Variants in CCDC178 observed in about 807,000 individuals in gnomAD.
CCDC178 encodes coiled-coil domain-containing protein 178.
In CCDC178, 126 loss-of-function variants were observed where a neutral mutation model predicts 117.4. The ratio of observed to expected loss-of-function variants is 1.07; its 90% confidence interval spans 0.93 to 1.24. The LOEUF (loss-of-function observed/expected upper bound fraction) is 1.24, where lower values mean the gene tolerates loss of function less well. CCDC178 is among the 50% of genes most tolerant of loss of function. The pLI, the probability that CCDC178 is intolerant of heterozygous loss-of-function variation, is 0.00. For missense variants in CCDC178, 1,030 were observed against 986.9 expected (o/e 1.04, Z -0.59); for synonymous variants, 283 against 313.4 (o/e 0.90, Z 1.02).
chr18:33,312,175 T>A (rs1447212261), intron 11 of CCDC178, among the ~76,000 whole-genome samples: 1 of 152,178 alleles, frequency 6.6e-6, no homozygotes, highest in East Asian at 1.9e-4. Flanking sequence ...CATGTTACTC[T>A]GTCCCTGAGT....
chr18:33,289,934 T>C (rs1325387680), intron 12 of CCDC178, among the ~76,000 whole-genome samples: 2 of 152,156 alleles, frequency 1.3e-5, no homozygotes, highest in Non-Finnish European at 2.9e-5. Flanking sequence ...ACTTTATTAA[T>C]AATTCATAAC....
intron 11 of CCDC178, among the ~76,000 whole-genome samples, chr18:33,318,691 A>C (rs2062456169): frequency 6.6e-6 from 1 of 152,180 alleles, no homozygotes; most frequent in South Asian, 2.1e-4. Context: ...ATCCCACTGG[A>C]ATAAATAAAA....
At chr18:33,188,592 A>G (rs1467040644) in intron 20 of CCDC178, among the ~76,000 whole-genome samples, 1 of 152,120 alleles carries the variant, frequency 6.6e-6, no homozygotes, top group Non-Finnish European at 1.5e-5. Flanking sequence ...TCAGGGCCAG[A>G]AAAAGGTCTC....
intron 20 of CCDC178, among the ~76,000 whole-genome samples, chr18:33,184,913 A>G (rs1219890683): frequency 6.6e-6 from 1 of 152,068 alleles, no homozygotes; most frequent in Non-Finnish European, 1.5e-5. Context: ...AAATCAGGTC[A>G]CTGTGGTATT....
At chr18:33,197,710 T>G (rs1451035718) in intron 20 of CCDC178, among the ~76,000 whole-genome samples, 4 of 152,172 alleles carry the variant, frequency 2.6e-5, no homozygotes, top group African/African-American at 9.7e-5. Context: ...TCCTTTATCT[T>G]AAAGTTGTTC....
In CCDC178 at chr18:33,333,376, C is replaced by T. The variant is rs2062697556; in HGVS notation, c.677G>A (p.Ser226Asn). The T allele has an allele frequency of 6.2e-7, 1 of 1,600,262 alleles. No homozygotes were observed. The highest frequency in any genetic ancestry group is 1.3e-5 in the African/African-American group (1 of 74,558). Residue 226 changes from serine to asparagine, a missense_variant, in exon 10 of 23, where the codon AGT becomes AAT. Coordinates refer to ENST00000383096, the MANE Select transcript of CCDC178 (RefSeq NM_001105528.4). ...ATGCCATTGTAATTCTATAACATCA[C>T]TCAAATAGGCCTCATGTTCTAGATA... is the stretch of plus-strand genomic sequence containing the variant. ...AVQKEHEAYL[S>N]DVIELQWHLE...
intron 12 of CCDC178, among the ~76,000 whole-genome samples, chr18:33,289,078 G>A (rs1187440718): frequency 6.6e-6 from 1 of 151,992 alleles, no homozygotes; most frequent in African/African-American, 2.4e-5. Context: ...TTGGTTTAGT[G>A]GGTTGGTTTT....
intron 21 of CCDC178, among the ~76,000 whole-genome samples, chr18:32,976,351 G>A (rs1198881445): frequency 6.6e-6 from 1 of 152,100 alleles, no homozygotes; most frequent in Non-Finnish European, 1.5e-5. Context: ...TACATAAAGA[G>A]TCATATTAAG....
intron 20 of CCDC178, among the ~76,000 whole-genome samples, chr18:33,149,579 C>T (rs928374664): frequency 1.3e-5 from 2 of 152,128 alleles, no homozygotes; most frequent in African/African-American, 4.8e-5. Context: ...GCAAAGTTGT[C>T]ACAGTGAAAA....
intron 12 of CCDC178, among the ~76,000 whole-genome samples, chr18:33,278,658 A>G (rs899318637): frequency 1.3e-5 from 2 of 152,114 alleles, no homozygotes; most frequent in Non-Finnish European, 2.9e-5. Flanking sequence ...TCCTTTAGAG[A>G]ATATTACTAT....
chr18:33,424,070 T>C (rs1283183049), intron 2 of CCDC178, among the ~76,000 whole-genome samples: 1 of 152,220 alleles, frequency 6.6e-6, no homozygotes, highest in Non-Finnish European at 1.5e-5. Context: ...ATAATTTCAT[T>C]AGCCATTTTT....
chr18:33,381,251 G>C (rs1568189339), intron 5 of CCDC178, among the ~76,000 whole-genome samples: 1 of 152,086 alleles, frequency 6.6e-6, no homozygotes, highest in Admixed American at 6.6e-5. Context: ...TGCCTGGAGA[G>C]CCAGCTGGGT....
chr18:33,278,611 T>C (rs887134829), intron 12 of CCDC178, among the ~76,000 whole-genome samples: 1 of 152,076 alleles, frequency 6.6e-6, no homozygotes, highest in African/African-American at 2.4e-5. Context: ...ACACAGCAAC[T>C]AGAAAATGAC....
intron 11 of CCDC178, among the ~76,000 whole-genome samples, chr18:33,307,931 T>C (rs543259212): frequency 1.3e-5 from 2 of 152,302 alleles, no homozygotes; most frequent in Admixed American, 6.5e-5. Context: ...GGGAAACACA[T>C]GGATGTCCAG....
intron 20 of CCDC178, among the ~76,000 whole-genome samples, chr18:33,169,391 A>G (rs982886180): frequency 1.3e-5 from 2 of 152,318 alleles, no homozygotes; most frequent in South Asian, 4.1e-4. Flanking sequence ...ATGCTTAAAG[A>G]CTGTGTAAGT....
intron 14 of CCDC178, among the ~76,000 whole-genome samples, chr18:33,247,250 T>C (rs944584840): frequency 6.6e-6 from 1 of 151,808 alleles, no homozygotes; most frequent in African/African-American, 2.4e-5. Context: ...CAAAGCACTT[T>C]AGGTGATACT....
In CCDC178 at chr18:33,342,837, C is replaced by A. The variant is rs149081368; in HGVS notation, c.658+3374G>T. The stretch of plus-strand genomic sequence containing the variant: ...CACAATTGTAGTAATAACTGAATAA[C>A]TGAATAATTAACAAAGACAAAACAA... On this transcript the variant is annotated intron_variant, in intron 9 of 22. Coordinates refer to ENST00000383096, the MANE Select transcript of CCDC178 (RefSeq NM_001105528.4). 2.9e-3 allele frequency among the ~76,000 whole-genome samples: 446 copies of A among 152,272 alleles called. 1 individual carries two copies. Among genetic ancestry groups the A allele is most frequent in the African/African-American group, 0.01 (433 of 41,564 alleles).
intron 21 of CCDC178, among the ~76,000 whole-genome samples, chr18:33,075,859 C>G (rs911563764): frequency 6.6e-6 from 1 of 152,108 alleles, no homozygotes; most frequent in East Asian, 1.9e-4. Flanking sequence ...ATCCCAGCTA[C>G]TCGGGAGGCT....
chr18:33,171,795 A>G (rs750262641), intron 20 of CCDC178, among the ~76,000 whole-genome samples: 1 of 152,184 alleles, frequency 6.6e-6, no homozygotes, highest in Non-Finnish European at 1.5e-5. Context: ...TGTGTTCCCA[A>G]TGCCAAGGTT....
Sources: allele counts gnomAD v4.1 joint callset (sites outside exome capture counted in the v4.1 genomes callset), GRCh38; gene constraint gnomAD v4.1.1; transcripts MANE v1.5; gene names NCBI Gene and HGNC (gene_info 2026-07-23, HGNC 2026-07-21).